SLC9A7: variants seen among roughly 807,000 people sequenced by gnomAD.
The protein encoded by SLC9A7 is solute carrier family 9 member A7, also known as sodium/hydrogen exchanger 7.
A neutral mutation model predicts 52.6 loss-of-function variants in SLC9A7; 19 were observed. That is an observed-to-expected ratio of 0.36 (90% confidence interval 0.25 to 0.53). The LOEUF is 0.53. Ranked by LOEUF, SLC9A7 falls within the 20% of genes least tolerant of loss-of-function variation. The probability of loss-of-function intolerance (pLI) is 0.91; values close to 1 mark genes in which losing one functional copy is unlikely to be tolerated. For synonymous variants in SLC9A7, 226 were observed against 252.1 expected, an observed-to-expected ratio of 0.90 and a Z score of 0.98; for missense variants, 455 against 597.9, an observed-to-expected ratio of 0.76 and a Z score of 2.49.
intron 3 of SLC9A7, among the ~76,000 whole-genome samples, chrX:46,678,834 A>G (rs1253867776): frequency 6.3e-5 from 7 of 111,677 alleles, no homozygotes; most frequent in Non-Finnish European, 1.1e-4. Context: ...GTTTCCCCCA[A>G]TGGTTACATC....
intron 12 of SLC9A7, among the ~76,000 whole-genome samples, chrX:46,639,511 G>A (rs1284367901): frequency 1.8e-5 from 2 of 109,891 alleles, no homozygotes; most frequent in Non-Finnish European, 3.8e-5. Context: ...TCGAACTCCT[G>A]ACCTTGTGAT....
chrX:46,651,701 G>A (rs1731500609), intron 8 of SLC9A7, among the ~76,000 whole-genome samples: 1 of 108,972 alleles, frequency 9.2e-6, no homozygotes, highest in Non-Finnish European at 1.9e-5. Context: ...TGGTGGCGTG[G>A]GCCTGTGGCC....
At chrX:46,713,369 C>T (rs1369077818) in intron 1 of SLC9A7, among the ~76,000 whole-genome samples, 5 of 108,984 alleles carry the variant, frequency 4.6e-5, no homozygotes, top group African/African-American at 1.0e-4. Context: ...GGCATGGTGG[C>T]GGGCGCCTGT....
At position 46,729,417 on chromosome X, in the gene SLC9A7, C is replaced by T. The variant is rs920608693; in HGVS notation, c.325+29288G>A. Among the ~76,000 whole-genome samples, 12 of 112,048 alleles carry T rather than the reference C, an allele frequency of 1.1e-4. No homozygotes were observed. In the East Asian group the frequency reaches 1.7e-3, roughly 16 times the overall value. ...GCATTTAATTTCTAGTTATGTCTTT[C>T]GTATGACATACATACAATCTAATGA... is the stretch of plus-strand genomic sequence containing the variant. On this transcript the variant is annotated intron_variant, in intron 1 of 16. Coordinates refer to ENST00000616978, the MANE Select transcript of SLC9A7 (RefSeq NM_001257291.2).
At chrX:46,720,968 A>C (rs764247628) in intron 1 of SLC9A7, among the ~76,000 whole-genome samples, 69 of 112,215 alleles carry the variant, frequency 6.1e-4, no homozygotes, top group Middle Eastern at 9.1e-3. Flanking sequence ...GTAAGGCCTC[A>C]CAGTACAACA....
intron 1 of SLC9A7, among the ~76,000 whole-genome samples, chrX:46,711,899 T>TACACACACACACACACACACACACAC (rs57570264): frequency 4.4e-5 from 4 of 91,187 alleles, no homozygotes; most frequent in African/African-American, 1.7e-4. Flanking sequence ...GCCTCTAAAT[T>TACACACACACACACACACACACACAC]ACACACACAC....
At chrX:46,720,570 T>C (rs1192850401) in intron 1 of SLC9A7, among the ~76,000 whole-genome samples, 1 of 108,762 alleles carries the variant, frequency 9.2e-6, no homozygotes, top group African/African-American at 3.4e-5. Flanking sequence ...AGCTTCATCA[T>C]CCATGGGAAA....
chrX:46,671,804 T>C (rs774375879), intron 4 of SLC9A7, among the ~76,000 whole-genome samples: 2 of 111,547 alleles, frequency 1.8e-5, no homozygotes, highest in African/African-American at 3.3e-5. Context: ...CTGGGTGAGG[T>C]AGTATTTGTC....
chrX:46,658,629 T>C (rs1265722488), intron 7 of SLC9A7, among the ~76,000 whole-genome samples: 9 of 110,397 alleles, frequency 8.2e-5, no homozygotes, highest in African/African-American at 3.0e-4. Context: ...CTAGAAGAAA[T>C]GGATAAATTC....
chrX:46,689,618 T>G (rs945255692), intron 1 of SLC9A7, among the ~76,000 whole-genome samples: 3 of 110,840 alleles, frequency 2.7e-5, no homozygotes, highest in Non-Finnish European at 5.7e-5. Flanking sequence ...TTCTTTTTTT[T>G]TTTGTTTAAG....
chrX:46,727,117 A>G (rs1602277638), intron 1 of SLC9A7, among the ~76,000 whole-genome samples: 1 of 111,821 alleles, frequency 8.9e-6, no homozygotes, highest in Non-Finnish European at 1.9e-5. Flanking sequence ...TTTTAATGGA[A>G]TGCAGCCTTG....
chrX:46,691,996 T>C (rs193190633), intron 1 of SLC9A7, among the ~76,000 whole-genome samples: 34 of 111,542 alleles, frequency 3.0e-4, no homozygotes, highest in African/African-American at 1.1e-3. Context: ...ATGATAGTAA[T>C]AAAACAGTAT....
intron 8 of SLC9A7, among the ~76,000 whole-genome samples, chrX:46,652,448 G>A (rs1302068248): frequency 9.0e-6 from 1 of 111,649 alleles, no homozygotes; most frequent in Admixed American, 9.5e-5. Flanking sequence ...ACTGTGCCTG[G>A]CCTAGATTTT....
intron 1 of SLC9A7, among the ~76,000 whole-genome samples, chrX:46,716,429 C>T (rs1295661106): frequency 1.8e-5 from 2 of 111,801 alleles, no homozygotes; most frequent in Non-Finnish European, 3.8e-5. Context: ...GCTATGAACC[C>T]TGAGACGACT....
intron 10 of SLC9A7, among the ~76,000 whole-genome samples, chrX:46,650,609 G>A (rs771243474): frequency 9.0e-6 from 1 of 111,309 alleles, no homozygotes; most frequent in East Asian, 2.8e-4. Flanking sequence ...GTGAGGAAGG[G>A]CTGCCCATAC....
intron 1 of SLC9A7, among the ~76,000 whole-genome samples, chrX:46,755,265 C>T (rs1282195217): frequency 2.8e-5 from 3 of 108,281 alleles, no homozygotes; most frequent in African/African-American, 1.0e-4. Context: ...GCTAATGTAA[C>T]ATTGACTACT....
intron 1 of SLC9A7, among the ~76,000 whole-genome samples, chrX:46,744,698 G>A (rs1329771641): frequency 2.7e-5 from 3 of 111,734 alleles, no homozygotes; most frequent in African/African-American, 6.5e-5. Context: ...AAAACATAGC[G>A]CTTAACACTG....
At chrX:46,710,616 T>TG (rs577590624) in intron 1 of SLC9A7, among the ~76,000 whole-genome samples, 2 of 107,821 alleles carry the variant, frequency 1.9e-5, no homozygotes, top group African/African-American at 3.4e-5. Context: ...AAAAATACTG[T>TG]GGGAAAAAAA....
chrX:46,677,781 T>G (rs1216657568), intron 3 of SLC9A7, among the ~76,000 whole-genome samples: 1 of 112,163 alleles, frequency 8.9e-6, no homozygotes, highest in African/African-American at 3.2e-5. Flanking sequence ...AGAATTTGTA[T>G]AAGATTGGTA....
Sources: gnomAD v4.1 joint callset for allele counts (sites outside exome capture counted in the v4.1 genomes callset) on GRCh38, gnomAD v4.1.1 for gene constraint, MANE v1.5 for transcripts, NCBI Gene and HGNC (gene_info 2026-07-23, HGNC 2026-07-21) for gene names.